The following ZNF134 variants were observed in gnomAD, a reference collection of about 807,000 sequenced individuals.
The protein encoded by ZNF134 is zinc finger protein 134 (clone pHZ-15).
ZNF134 carries 5 observed loss-of-function variants against 2.5 expected under a neutral mutation model. The ratio of observed to expected loss-of-function variants is 2.03; its 90% CI spans 1.06 to 4.27. The LOEUF (loss-of-function observed/expected upper bound fraction) is 4.27. Ranked by LOEUF, ZNF134 falls within the 30% of genes most tolerant of loss-of-function variation. The pLI is 0.00. For synonymous variants in ZNF134, 176 were observed against 176.2 expected (o/e 1.00, Z 0.01); for missense variants, 540 against 517.5 (o/e 1.04, Z -0.42).
chr19:57,619,770 T>G, intron 2 of ZNF134: 1 of 562,784 alleles, frequency 1.8e-6, no homozygotes, highest in South Asian at 2.5e-5. Context: ...TACACTATTG[T>G]GTCATAAGAT....
At chr19:57,619,234 G>A (rs991993713) in intron 1 of ZNF134, among the ~76,000 whole-genome samples, 178 bp from the exon 2 acceptor site, 1 of 152,184 alleles carries the variant, frequency 6.6e-6, no homozygotes, top group Admixed American at 6.5e-5. Context: ...GAGTCTGCCT[G>A]TGTCCTCAAT....
In ZNF134 at chr19:57,623,737, A is replaced by T. The variant is rs541809927; in HGVS notation, c.*2334A>T. On this transcript the variant is annotated 3_prime_UTR_variant, in exon 3 of 3. Coordinates refer to ENST00000396161, the MANE Select transcript of ZNF134 (RefSeq NM_003435.5). The stretch of plus-strand genomic sequence containing the variant: ...GTGACTTGTAGATCCCCTCAATACA[A>T]ACAATTTATAAGAAGTTTAAACTAT... 2.0e-4 allele frequency: 30 copies of T among 152,282 alleles called. No homozygotes were observed. The highest frequency in any genetic ancestry group is 7.2e-4 in the African/African-American group (30 of 41,528). The allele number at this position is 152,282 out of a possible 1,614,324, so 9.4% of individuals were successfully genotyped here.
Position 57,619,342 on chromosome 19 carries a change from G to A in ZNF134, c.-57-70G>A, listed in dbSNP as rs553256687. ...GTAGCATTTGTTTTCTTGCAATTTT[G>A]CATGGGTGGGCTACTCTGGCTAGTG... On this transcript the variant is annotated intron_variant, in intron 1 of 2. Transcript: ENST00000396161. 74 of 1,215,470 alleles carry A rather than the reference G, an allele frequency of 6.1e-5. No individual in the cohort carries two copies. The African/African-American group carries it at 1.0e-3, about 17-fold the overall frequency. 75.3% of individuals were successfully genotyped at this position (1,215,470 alleles called of 1,614,324 possible). A position where few individuals can be genotyped will look rare whatever the true frequency, so the allele number is the denominator to read the frequency against.
At position 57,621,166 on chromosome 19, in the gene ZNF134, C is replaced by T. The variant is rs34357677; in HGVS notation, c.1047C>T (p.Cys349=). ...TESKPFECIE[C]GKFFSRSSDY... is the part of the protein sequence containing the mutation. ...CAAAGCCGTTTGAGTGCATTGAATG[C>T]GGGAAATTCTTTAGTCGAAGTTCTG... Residue 349 remains cysteine (C), a synonymous_variant, in exon 3 of 3, where the codon TGC becomes TGT. Transcript: ENST00000396161. 8,468 of 1,614,148 alleles carry T rather than the reference C, an allele frequency of 5.2e-3. 38 individuals carry two copies. Among genetic ancestry groups the T allele is most frequent in the Middle Eastern group, 7.3e-3 (44 of 6,062 alleles).
rs756487933 is a variant in ZNF134 at position 57,620,891 on chromosome 19, A to AT, written c.773dup (p.Met258IlefsTer4). 1 of 1,614,260 alleles carries AT rather than the reference A, an allele frequency of 6.2e-7. No homozygotes were observed. Among genetic ancestry groups the AT allele is most frequent in the Non-Finnish European group, 8.5e-7 (1 of 1,180,044 alleles). On this transcript the variant is annotated frameshift_variant, in exon 3 of 3. Coordinates refer to ENST00000396161, the MANE Select transcript of ZNF134 (RefSeq NM_003435.5). LOFTEE classifies it low-confidence loss of function (END_TRUNC). ...GCACAAGAGAATCCACACTGGAGAA[A>AT]TGCCTTATAAGTGCAATGAATGTGG...
chr19:57,619,425 G>A lies in ZNF134; in HGVS notation c.-44G>A, dbSNP rs375806156. The A allele has an allele frequency of 6.3e-7, 1 of 1,583,560 alleles. No individual in the cohort carries two copies. The highest frequency in any genetic ancestry group is 8.6e-7 in the Non-Finnish European group (1 of 1,164,114). On this transcript the variant is annotated 5_prime_UTR_variant, in exon 2 of 3. Coordinates refer to ENST00000396161, the MANE Select transcript of ZNF134 (RefSeq NM_003435.5). ...TGTATCTTCCAGATCCTCTGTGGTT[G>A]TTGAATTGTAACAAGAGAGAGAACT...
Position 57,621,195 on chromosome 19 carries a change from A to G in ZNF134, c.1076A>G (p.Tyr359Cys), listed in dbSNP as rs1247286589. The G allele has an allele frequency of 3.7e-6, 6 of 1,614,194 alleles. No homozygotes were observed. Among genetic ancestry groups the G allele is most frequent in the South Asian group, 2.2e-5 (2 of 91,088 alleles). The change falls in exon 3 of 3, where the codon TAT (tyrosine) becomes TGT (cysteine). Residue 359 changes from tyrosine (Y) to cysteine (C), a missense_variant. Tyr to Cys is a radical substitution (Grantham distance 194). Coordinates refer to ENST00000396161, the MANE Select transcript of ZNF134 (RefSeq NM_003435.5). ...CGKFFSRSSD[Y>C]IAHQRVHTGE... ...AAATTCTTTAGTCGAAGTTCTGACT[A>G]TATTGCACACCAGAGGGTTCACACT...
chr19:57,621,914 G>C lies in ZNF134; in HGVS notation c.*511G>C, dbSNP rs980996168. On this transcript the variant is annotated 3_prime_UTR_variant, in exon 3 of 3. Transcript: ENST00000396161. ...GGTTTGTGATAATAAAGGCTTTACA[G>C]TTTAAGCCACATTTAATCTTGGGGC... 1 of 233,642 alleles carries C rather than the reference G, an allele frequency of 4.3e-6. No individual in the cohort carries two copies. The highest frequency in any genetic ancestry group is 8.6e-6 in the Non-Finnish European group (1 of 116,532). The allele number at this position is 233,642 out of a possible 1,614,324, so 14.5% of individuals were successfully genotyped here.
In ZNF134 at chr19:57,622,465, C is replaced by T. The variant is rs1417611374; in HGVS notation, c.*1062C>T. On this transcript the variant is annotated 3_prime_UTR_variant, in exon 3 of 3. Transcript: ENST00000396161. ...GGAAGTGCCCATTGTAAAAACACAT[C>T]CACAGACAGTCCAGGCACTAAGGCT... is the stretch of plus-strand genomic sequence containing the variant. 1 of 152,208 alleles carries T rather than the reference C, an allele frequency of 6.6e-6. No homozygotes were observed. The highest frequency in any genetic ancestry group is 1.5e-5 in the Non-Finnish European group (1 of 68,066). The allele number at this position is 152,208 out of a possible 1,614,324, so 9.4% of individuals were successfully genotyped here.
chr19:57,621,444 A>G lies in ZNF134; in HGVS notation c.*41A>G. On this transcript the variant is annotated 3_prime_UTR_variant, in exon 3 of 3. Coordinates refer to ENST00000396161, the MANE Select transcript of ZNF134 (RefSeq NM_003435.5). Reference sequence around the variant, plus strand: ...AACAGGACTCATCAATCAGATGTTGAATTTCATGTATCTGAACATTGACAC... The same window carrying G: ...AACAGGACTCATCAATCAGATGTTGGATTTCATGTATCTGAACATTGACAC... The G allele has an allele frequency of 6.2e-7, 1 of 1,606,452 alleles. No homozygotes were observed. Among genetic ancestry groups the G allele is most frequent in the Non-Finnish European group, 8.5e-7 (1 of 1,179,582 alleles).
chr19:57,618,761 CT>C (rs965887428), intron 1 of ZNF134: 3 of 152,604 alleles, frequency 2.0e-5, no homozygotes, highest in African/African-American at 7.2e-5. Flanking sequence ...GCTATGTGAC[CT>C]TCAAGGATTT....
At chr19:57,615,023 GGGTTTCCTGCCGCATCAGATGTGGTC>G (rs1442621991) in intron 1 of ZNF134, among the ~76,000 whole-genome samples, 1 of 152,128 alleles carries the variant, frequency 6.6e-6, no homozygotes, top group Non-Finnish European at 1.5e-5. Context: ...GGAACCAATG[GGGTTTCCTGCCGCATCAGATGTGGTC>G]GTGAGTGAAT....
In ZNF134 at chr19:57,620,983, T is replaced by C; in HGVS notation, c.864T>C (p.Tyr288=). 3 of 1,614,190 alleles carry C rather than the reference T, an allele frequency of 1.9e-6. No homozygotes were observed. Among genetic ancestry groups the C allele is most frequent in the Non-Finnish European group, 2.5e-6 (3 of 1,180,028 alleles). The change falls in exon 3 of 3, where the codon TAT becomes TAC. Residue 288 remains tyrosine, a synonymous_variant. Transcript: ENST00000396161. ...GAGTTCACAATGGAGCAAGGCCTTA[T>C]AAGTGCAGTGATTGTGGGAAAGTCT... is the stretch of plus-strand genomic sequence containing the variant. ...HQRVHNGARP[Y]KCSDCGKVFR...
At chr19:57,617,083 A>C (rs551969705) in intron 1 of ZNF134, among the ~76,000 whole-genome samples, 3 of 152,156 alleles carry the variant, frequency 2.0e-5, no homozygotes, top group Non-Finnish European at 4.4e-5. Flanking sequence ...TGTTCAGGGA[A>C]CCTCAGGCCT....
rs563900031 is a variant in ZNF134, at chr19:57,624,685, T to A, written c.*3282T>A. 1 of 152,354 alleles carries A rather than the reference T, an allele frequency of 6.6e-6. No individual in the cohort carries two copies. Among genetic ancestry groups the A allele is most frequent in the Non-Finnish European group, 1.5e-5 (1 of 68,040 alleles). The allele number at this position is 152,354 out of a possible 1,614,324, so 9.4% of individuals were successfully genotyped here. ...CACTCCCACACTTCTCTCTTGTGTG[T>A]ACTTTTGCTTCACAATAAAAGCTGC... is the stretch of plus-strand genomic sequence containing the variant. On this transcript the variant is annotated 3_prime_UTR_variant, in exon 3 of 3. Transcript: ENST00000396161.
At position 57,624,521 on chromosome 19, in the gene ZNF134, C is replaced by G. The variant is rs187397403; in HGVS notation, c.*3118C>G. 3.9e-5 allele frequency: 6 copies of G among 152,350 alleles called. No homozygotes were observed. The highest frequency in any genetic ancestry group is 1.4e-4 in the African/African-American group (6 of 41,570). The allele number at this position is 152,350 out of a possible 1,614,324, so 9.4% of individuals were successfully genotyped here. A position where few individuals can be genotyped will look rare whatever the true frequency, so the allele number is the denominator to read the frequency against. ...TGTCTGTAACTCTTCCAGGCAAACC[C>G]AAATAAGGGAGGAGGGGTGGTAATC... is the stretch of plus-strand genomic sequence containing the variant. On this transcript the variant is annotated 3_prime_UTR_variant, in exon 3 of 3. Transcript: ENST00000396161.
Position 57,621,337 on chromosome 19 carries a change from G to A in ZNF134, c.1218G>A (p.Gly406=). Residue 406 remains glycine (G), a synonymous_variant, in exon 3 of 3, where the codon GGG becomes GGA. Coordinates refer to ENST00000396161, the MANE Select transcript of ZNF134 (RefSeq NM_003435.5). The part of the protein sequence containing the change: ...GERPYECSEC[G]KAYSLSSHLN... ...GGCCATATGAGTGCAGTGAATGTGG[G>A]AAGGCCTACAGCTTAAGCTCCCACC... 6.2e-7 allele frequency: 1 copy of A among 1,614,156 alleles called. No homozygotes were observed. The highest frequency in any genetic ancestry group is 1.7e-5 in the Admixed American group (1 of 60,018).
At chr19:57,619,650 C>A (rs2122127772) in intron 2 of ZNF134, 142 bp downstream of exon 2, 3 of 952,014 alleles carry the variant, frequency 3.2e-6, no homozygotes, top group Non-Finnish European at 4.6e-6. Flanking sequence ...ACACTCTTGT[C>A]ATTTCTAATC....
In ZNF134 at chr19:57,614,324, C is replaced by G. The variant is rs1980988511; in HGVS notation, c.-237C>G. 1 of 454,212 alleles carries G rather than the reference C, an allele frequency of 2.2e-6. No individual in the cohort carries two copies. The highest frequency in any genetic ancestry group is 2.4e-5 in the Admixed American group (1 of 42,438). 28.1% of individuals were successfully genotyped at this position (454,212 alleles called of 1,614,324 possible). ...CTGGGCGGTTCCGAGGTGACGGAAG[C>G]GGGAGGGTGCGGGAGAAGTCGCTGT... is the stretch of plus-strand genomic sequence containing the variant. On this transcript the variant is annotated 5_prime_UTR_variant, in exon 1 of 3. Coordinates refer to ENST00000396161, the MANE Select transcript of ZNF134 (RefSeq NM_003435.5).
Sources: allele counts gnomAD v4.1 joint callset (sites outside exome capture counted in the v4.1 genomes callset), GRCh38; gene constraint gnomAD v4.1.1; transcripts MANE v1.5; gene names NCBI Gene and HGNC (gene_info 2026-07-23, HGNC 2026-07-21).